Variants in NAV2 observed in about 807,000 individuals in gnomAD.
NAV2 encodes the protein neuron navigator 2, also known as helicase, APC down-regulated 1.
In NAV2, 54 loss-of-function variants were observed where a neutral mutation model predicts 223.2. The observed-to-expected ratio is 0.24, with a 90% CI of 0.19 to 0.30. The LOEUF (loss-of-function observed/expected upper bound fraction) is 0.30. NAV2 is among the 10% of genes least tolerant of loss of function. The pLI is 1.00. For synonymous variants in NAV2, 1,279 were observed against 1,239.3 expected, an observed-to-expected ratio of 1.03 and a Z score of -0.67; for missense variants, 2,806 against 3,147.5, an observed-to-expected ratio of 0.89 and a Z score of 2.60.
At chr11:19,776,762 T>A (rs985835470) in intron 1 of NAV2, among the ~76,000 whole-genome samples, 2 of 150,988 alleles carry the variant, frequency 1.3e-5, no homozygotes, top group Admixed American at 6.6e-5. Flanking sequence ...TCAACTTGCG[T>A]GAGTTCTGTG....
At chr11:19,599,257 C>G (rs527260079) in intron 1 of NAV2, among the ~76,000 whole-genome samples, 1 of 152,218 alleles carries the variant, frequency 6.6e-6, no homozygotes, top group Non-Finnish European at 1.5e-5. Flanking sequence ...TGGTTTCTTT[C>G]CCCCTGAGAA....
intron 10 of NAV2, among the ~76,000 whole-genome samples, chr11:19,967,712 T>C (rs2048889983): frequency 6.6e-6 from 1 of 152,154 alleles, no homozygotes; most frequent in Admixed American, 6.5e-5. Flanking sequence ...TCTGGAAAAC[T>C]CTGTATCCCA....
intron 1 of NAV2, among the ~76,000 whole-genome samples, chr11:19,384,363 C>T (rs529945909): frequency 3.9e-5 from 6 of 152,198 alleles, no homozygotes; most frequent in South Asian, 2.1e-4. Context: ...ATTTTTTGGC[C>T]TTGCCTGCAT....
intron 1 of NAV2, among the ~76,000 whole-genome samples, chr11:19,466,984 T>TATACACAC (rs1554940926): frequency 1.4e-4 from 17 of 125,202 alleles, no homozygotes; most frequent in African/African-American, 5.2e-4. Flanking sequence ...TCTCTCTCTC[T>TATACACAC]ACACACACAC....
chr11:19,899,517 T>G (rs1469253301), intron 6 of NAV2, among the ~76,000 whole-genome samples: 2 of 152,190 alleles, frequency 1.3e-5, no homozygotes, highest in African/African-American at 4.8e-5. Context: ...CTTTCTTCAT[T>G]TGTTCATTTC....
chr11:19,683,490 C>T (rs2048933261), intron 1 of NAV2, among the ~76,000 whole-genome samples: 1 of 152,238 alleles, frequency 6.6e-6, no homozygotes, highest in Admixed American at 6.5e-5. Context: ...GCCAAATCCC[C>T]TATGCTGGCA....
At chr11:19,941,484 G>A (rs759121785) in intron 8 of NAV2, among the ~76,000 whole-genome samples, 6 of 118,302 alleles carry the variant, frequency 5.1e-5, no homozygotes, top group African/African-American at 8.4e-5. Context: ...CTTACCCACA[G>A]CCAATCCTTT....
intron 1 of NAV2, among the ~76,000 whole-genome samples, chr11:19,375,653 A>C (rs1269183425): frequency 2.0e-5 from 3 of 152,156 alleles, no homozygotes. Context: ...GATGGACCTA[A>C]ATTTATCTAC....
intron 1 of NAV2, chr11:19,777,932 A>G (rs2056407464): frequency 2.2e-6 from 1 of 455,430 alleles, no homozygotes; most frequent in Non-Finnish European, 4.4e-6. Context: ...GCACATGGCT[A>G]TTGATCTCTA....
At chr11:19,639,989 G>A (rs551878925) in intron 1 of NAV2, among the ~76,000 whole-genome samples, 1 of 152,212 alleles carries the variant, frequency 6.6e-6, no homozygotes, top group East Asian at 1.9e-4. Flanking sequence ...CCCGGCTTCT[G>A]CTCACTTGTT....
At chr11:19,845,029 G>A (rs1471521514) in intron 3 of NAV2, among the ~76,000 whole-genome samples, 2 of 152,086 alleles carry the variant, frequency 1.3e-5, no homozygotes, top group African/African-American at 2.4e-5. Context: ...TGATGAGAAG[G>A]ACAATAGGAT....
At chr11:19,749,034 G>A (rs1326724664) in intron 1 of NAV2, among the ~76,000 whole-genome samples, 1 of 152,218 alleles carries the variant, frequency 6.6e-6, no homozygotes, top group Non-Finnish European at 1.5e-5. Context: ...ACCCTTTAAA[G>A]TTTTACCAGC....
chr11:19,776,777 A>G (rs1409046259), intron 1 of NAV2, among the ~76,000 whole-genome samples: 1 of 151,696 alleles, frequency 6.6e-6, no homozygotes, highest in East Asian at 1.9e-4. Context: ...TCTGTGCAGA[A>G]AGAAAATGCG....
intron 10 of NAV2, among the ~76,000 whole-genome samples, chr11:19,981,994 C>T (rs1469538857): frequency 6.9e-6 from 1 of 145,664 alleles, no homozygotes; most frequent in African/African-American, 2.4e-5. Flanking sequence ...TTCATGTGTT[C>T]ATTCATTCAA....
chr11:20,104,657 G>A (rs542749994), intron 34 of NAV2: 1 of 152,422 alleles, frequency 6.6e-6, no homozygotes, highest in East Asian at 1.9e-4. Context: ...CACCTAGCTG[G>A]TACGTCTGCT....
At chr11:19,850,404 G>A (rs574319729) in intron 3 of NAV2, among the ~76,000 whole-genome samples, 1 of 152,294 alleles carries the variant, frequency 6.6e-6, no homozygotes, top group African/African-American at 2.4e-5. Flanking sequence ...TGGGCCTGTA[G>A]TCAGCATTTA....
chr11:19,716,783 T>G (rs901073898), intron 1 of NAV2, among the ~76,000 whole-genome samples: 5 of 152,186 alleles, frequency 3.3e-5, no homozygotes, highest in Non-Finnish European at 1.5e-5. Context: ...GTAACAATAA[T>G]AACAATGGTA....
chr11:19,759,241 C>A (rs1399060334), intron 1 of NAV2, among the ~76,000 whole-genome samples: 1 of 151,926 alleles, frequency 6.6e-6, no homozygotes, highest in Non-Finnish European at 1.5e-5. Flanking sequence ...CGCCGCCATG[C>A]CCGGCTAATT....
At chr11:19,927,635 C>T (rs765330761) in intron 6 of NAV2, among the ~76,000 whole-genome samples, 5 of 151,360 alleles carry the variant, frequency 3.3e-5, no homozygotes, top group African/African-American at 4.9e-5. Context: ...AGCAGTGAGC[C>T]GAGATTGCAC....
Sources: allele counts gnomAD v4.1 joint callset (sites outside exome capture counted in the v4.1 genomes callset), GRCh38; gene constraint gnomAD v4.1.1; transcripts MANE v1.5; gene names NCBI Gene and HGNC (gene_info 2026-07-23, HGNC 2026-07-21).